The following RCCD1 variants were observed in gnomAD, a reference collection of about 807,000 sequenced individuals.
RCCD1 encodes the protein RCC1 domain containing 1.
A neutral mutation model predicts 37.6 loss-of-function variants in RCCD1; 40 were observed. The ratio of observed to expected loss-of-function variants is 1.06; its 90% CI spans 0.83 to 1.39. The LOEUF (loss-of-function observed/expected upper bound fraction) is 1.39, where lower values mean the gene tolerates loss of function less well. RCCD1 is among the 40% of genes most tolerant of loss of function. RCCD1 has a pLI of 0.00. For missense variants in RCCD1, 577 were observed against 517.3 expected (o/e 1.12, Z -1.12); for synonymous variants, 263 against 230.0 (o/e 1.14, Z -1.30).
At chr15:90,958,367 G>T (rs1274501630) in intron 4 of RCCD1, among the ~76,000 whole-genome samples, 3 of 152,138 alleles carry the variant, frequency 2.0e-5, no homozygotes, top group Non-Finnish European at 4.4e-5. Flanking sequence ...AGTGGCTCAT[G>T]CCTGTAATCC....
chr15:90,958,768 C>A (rs115486220), intron 4 of RCCD1, among the ~76,000 whole-genome samples: 1 of 149,566 alleles, frequency 6.7e-6, no homozygotes, highest in African/African-American at 2.5e-5. Flanking sequence ...CGTCTTTGTA[C>A]AAAAAATATA....
In RCCD1 at chr15:90,961,607, T is replaced by G; in HGVS notation, c.980-11T>G. On this transcript the variant is annotated splice_polypyrimidine_tract_variant and intron_variant, in intron 7 of 7. Coordinates refer to ENST00000394258, the MANE Select transcript of RCCD1 (RefSeq NM_001017919.2). ...GTGGAGACGATGGCAAAGGGGCTGA[T>G]TTCACTTTAGGTAAATATGGACAGC... 6.2e-7 allele frequency: 1 copy of G among 1,609,064 alleles called. No individual in the cohort carries two copies. Among genetic ancestry groups the G allele is most frequent in the Admixed American group, 1.7e-5 (1 of 59,550 alleles).
chr15:90,959,661 C>G (rs2037274104), intron 4 of RCCD1: 1 of 347,662 alleles, frequency 2.9e-6, no homozygotes, highest in African/African-American at 2.1e-5. Flanking sequence ...GGCTATTTGG[C>G]AGCATAAGAA....
chr15:90,960,026 G>A (rs369168110), intron 5 of RCCD1, 28 bp downstream of exon 5: 44 of 1,543,108 alleles, frequency 2.9e-5, no homozygotes, highest in African/African-American at 5.4e-5. Context: ...TCCCACAGCC[G>A]TCTCCCCAGG....
chr15:90,959,984 C>A lies in RCCD1; in HGVS notation c.764C>A (p.Thr255Asn). Reference protein sequence around the residue: ...PTRNLAEDGETVAREATELNE... With the variant: ...PTRNLAEDGENVAREATELNE... ...AGGAACCTGGCAGAGGATGGAGAGA[C>A]TGTCGCAAGGGAAGGTGAGGGTCAT... is the stretch of plus-strand genomic sequence containing the variant. The change falls in exon 5 of 8, where the codon ACT becomes AAT. Residue 255 changes from threonine to asparagine, a missense_variant. By Grantham distance (65) the Thr-to-Asn change is moderately conservative. Transcript: ENST00000394258. 1 of 1,613,026 alleles carries A rather than the reference C, an allele frequency of 6.2e-7. No individual in the cohort carries two copies. The highest frequency in any genetic ancestry group is 8.5e-7 in the Non-Finnish European group (1 of 1,179,540).
In RCCD1 at chr15:90,957,385, C is replaced by T; in HGVS notation, c.439C>T (p.Arg147Trp). 6.5e-7 allele frequency: 1 copy of T among 1,544,110 alleles called. No homozygotes were observed. Among genetic ancestry groups the T allele is most frequent in the Non-Finnish European group, 8.7e-7 (1 of 1,146,034 alleles). ...LPCARAYVSP[R>W]APFYRPLAPE... ...CTGCGCCCGTGCCTACGTGAGCCCG[C>T]GGGCGCCCTTCTACCGGCCTCTGGC... Residue 147 changes from arginine (R) to tryptophan (W), a missense_variant, in exon 3 of 8, where the codon CGG becomes TGG. Transcript: ENST00000394258.
chr15:90,959,153 C>T (rs1105291), intron 4 of RCCD1, among the ~76,000 whole-genome samples: 20,324 of 152,088 alleles, frequency 0.13, 2,060 homozygotes, highest in East Asian at 0.49. Flanking sequence ...TACTTAACCC[C>T]CTCTGTGCCT....
intron 6 of RCCD1, 31 bp from the exon 7 acceptor site, chr15:90,960,994 T>C: frequency 6.2e-7 from 1 of 1,612,518 alleles, no homozygotes; most frequent in Admixed American, 1.7e-5. Flanking sequence ...AGAACCGTAG[T>C]GACAACTATC....
At position 90,956,706 on chromosome 15, in the gene RCCD1, C is replaced by T; in HGVS notation, c.-29C>T. On this transcript the variant is annotated 5_prime_UTR_variant, in exon 2 of 8. Coordinates refer to ENST00000394258, the MANE Select transcript of RCCD1 (RefSeq NM_001017919.2). ...TCCCCCCGGGCCCGCCGCAGCCAGG[C>T]GGCGGCCGGCAGAGGGCGCTGCTCG... is the stretch of plus-strand genomic sequence containing the variant. 4 of 1,260,358 alleles carry T rather than the reference C, an allele frequency of 3.2e-6. No individual in the cohort carries two copies. Among genetic ancestry groups the T allele is most frequent in the Non-Finnish European group, 4.0e-6 (4 of 1,002,706 alleles). 78.1% of individuals were successfully genotyped at this position (1,260,358 alleles called of 1,614,324 possible). A position where few individuals can be genotyped will look rare whatever the true frequency, so the allele number is the denominator to read the frequency against.
chr15:90,957,091 C>G, intron 2 of RCCD1, 22 bp from the exon 3 acceptor site: 1 of 1,338,136 alleles, frequency 7.5e-7, no homozygotes, highest in Non-Finnish European at 9.5e-7. Context: ...TTCTGGCCAC[C>G]CTGCTCCAAT....
chr15:90,960,982 A>T, intron 6 of RCCD1, 43 bp from the exon 7 acceptor site: 1 of 1,610,948 alleles, frequency 6.2e-7, no homozygotes, highest in Non-Finnish European at 8.5e-7. Context: ...ATGCCTTGCC[A>T]AAGAACCGTA....
Position 90,957,492 on chromosome 15 carries a change from G to C in RCCD1, c.546G>C (p.Trp182Cys). 1.3e-6 allele frequency: 2 copies of C among 1,557,486 alleles called. No homozygotes were observed. The highest frequency in any genetic ancestry group is 1.7e-6 in the Non-Finnish European group (2 of 1,154,630). Residue 182 changes from tryptophan to cysteine, a missense_variant, in exon 3 of 8, where the codon TGG (tryptophan) becomes TGC (cysteine). Physicochemically the swap from Trp to Cys is radical, Grantham distance 215. Transcript: ENST00000394258. ...LLDAAGQVFSWGGGRHGQLGH... is the reference protein window; with the variant it reads ...LLDAAGQVFSCGGGRHGQLGH... ...ACGCTGCTGGCCAGGTGTTCTCCTG[G>C]GGCGGGGGCAGGTGAGCGGAGGCGG...
intron 7 of RCCD1, 117 bp downstream of exon 7, chr15:90,961,171 T>C (rs537869278): frequency 9.9e-7 from 1 of 1,009,322 alleles, no homozygotes; most frequent in East Asian, 2.4e-5. Context: ...GCCAGGTCAC[T>C]GGGAGGAACA....
At position 90,961,640 on chromosome 15, in the gene RCCD1, C is replaced by G. The variant is rs754398011; in HGVS notation, c.1002C>G (p.His334Gln). 1 of 1,613,686 alleles carries G rather than the reference C, an allele frequency of 6.2e-7. No individual in the cohort carries two copies. The highest frequency in any genetic ancestry group is 8.5e-7 in the Non-Finnish European group (1 of 1,179,736). ...TAGGTAAATATGGACAGCTGGGCCA[C>G]GAGGACACCACCAGCTTGGATCGGC... The part of the protein sequence containing the change: ...WGWGKYGQLG[H>Q]EDTTSLDRPR... Residue 334 changes from histidine (H) to glutamine (Q), a missense_variant, in exon 8 of 8, where the codon CAC becomes CAG. Transcript: ENST00000394258.
In RCCD1 at chr15:90,960,516, G is replaced by T; in HGVS notation, c.949+18G>T. 6.3e-7 allele frequency: 1 copy of T among 1,597,548 alleles called. No individual in the cohort carries two copies. On this transcript the variant is annotated intron_variant, in intron 6 of 7. Transcript: ENST00000394258. ...GGTGACACGTGAGTGGGGCTGGGAGGCACTCTGCTCCACTCGAGCTGGTGC... is the reference window on the plus strand; with the variant it reads ...GGTGACACGTGAGTGGGGCTGGGAGTCACTCTGCTCCACTCGAGCTGGTGC...
In RCCD1 at chr15:90,956,642, AGACTTGCCAGT is replaced by A; in HGVS notation, c.-91_-81del. 8.7e-7 allele frequency: 1 copy of A among 1,145,240 alleles called. No homozygotes were observed. The highest frequency in any genetic ancestry group is 1.1e-6 in the Non-Finnish European group (1 of 908,846). 70.9% of individuals were successfully genotyped at this position (1,145,240 alleles called of 1,614,324 possible). On this transcript the variant is annotated 5_prime_UTR_variant, in exon 2 of 8. Coordinates refer to ENST00000394258, the MANE Select transcript of RCCD1 (RefSeq NM_001017919.2). Reference sequence around the variant, plus strand: ...GCAGCTCCAGCCCCTGGAAGGCCAGAGACTTGCCAGTGTCCCACTAGCGGGCTCTTCGCAAG... The same window carrying A: ...GCAGCTCCAGCCCCTGGAAGGCCAGAGTCCCACTAGCGGGCTCTTCGCAAG...
intron 6 of RCCD1, chr15:90,960,702 G>C: frequency 1.6e-6 from 1 of 619,176 alleles, no homozygotes; most frequent in South Asian, 2.0e-5. Flanking sequence ...TCTGGTGGGA[G>C]GCTGATGCTT....
chr15:90,955,993 T>A (rs140044602), intron 1 of RCCD1: 1 of 152,356 alleles, frequency 6.6e-6, no homozygotes, highest in African/African-American at 2.4e-5. Context: ...ACTGTGTGTT[T>A]ATCATGGCAT....
intron 7 of RCCD1, 100 bp downstream of exon 7, chr15:90,961,154 G>T: frequency 8.3e-7 from 1 of 1,211,010 alleles, no homozygotes; most frequent in Non-Finnish European, 1.2e-6. Context: ...AGGAAGCAGG[G>T]GCCTCGGCCA....
Sources: gnomAD v4.1 joint callset for allele counts (sites outside exome capture counted in the v4.1 genomes callset) on GRCh38, gnomAD v4.1.1 for gene constraint, MANE v1.5 for transcripts, NCBI Gene and HGNC (gene_info 2026-07-23, HGNC 2026-07-21) for gene names.